The following SPATA9 variants were observed in gnomAD, a reference collection of about 807,000 sequenced individuals.
The protein encoded by SPATA9 is spermatogenesis-associated protein 9.
SPATA9 carries 27 observed loss-of-function variants against 25.5 expected under a neutral mutation model. The observed-to-expected ratio is 1.06, with a 90% confidence interval of 0.78 to 1.46. The LOEUF (loss-of-function observed/expected upper bound fraction) is 1.46, where lower values mean the gene tolerates loss of function less well. Ranked by LOEUF, SPATA9 falls within the 40% of genes most tolerant of loss-of-function variation. The probability of loss-of-function intolerance (pLI) is 0.00; values close to 1 mark genes in which losing one functional copy is unlikely to be tolerated. For synonymous variants in SPATA9, 102 were observed against 105.7 expected (o/e 0.97, Z 0.21); for missense variants, 282 against 297.5 (o/e 0.95, Z 0.38).
At chr5:95,682,251 T>TTGC (rs1753528773) in intron 2 of SPATA9, among the ~76,000 whole-genome samples, 1 of 152,200 alleles carries the variant, frequency 6.6e-6, no homozygotes, top group Admixed American at 6.5e-5. Context: ...TACATTGCAA[T>TTGC]TGTAGTGTTG....
At chr5:95,720,859 A>G in the SPATA9 span, among the ~76,000 whole-genome samples, 1 of 152,226 alleles carries the variant, frequency 6.6e-6, no homozygotes, top group Admixed American at 6.5e-5. Context: ...GTTCACCTAC[A>G]AAAAGAACTG....
chr5:95,658,881 T>C lies in SPATA9; in HGVS notation c.507A>G (p.Val169=). ...ATTCTTCTTCCTGGAAGATGTTCTT[T>C]ACCTTCTTCAGCACAGCATTAACAC... ...AVCVNAVLKK[V]KNIFQEEESI... is the part of the protein sequence containing the mutation. The change falls in exon 5 of 5, where the codon GTA becomes GTG. Residue 169 remains valine (V), a synonymous_variant. Transcript: ENST00000274432. The C allele has an allele frequency of 6.2e-7, 1 of 1,613,680 alleles. No individual in the cohort carries two copies.
At chr5:95,693,104 C>T (rs2112707903) in intron 1 of SPATA9, among the ~76,000 whole-genome samples, 1 of 152,282 alleles carries the variant, frequency 6.6e-6, no homozygotes, top group South Asian at 2.1e-4. Flanking sequence ...CAAGGGCTAG[C>T]AACAATGTAG....
chr5:95,727,521 G>A, the SPATA9 span, among the ~76,000 whole-genome samples: 2 of 152,138 alleles, frequency 1.3e-5, no homozygotes, highest in Non-Finnish European at 1.5e-5. Context: ...ATGAAATGGT[G>A]GCATTTCAGC....
intron 2 of SPATA9, among the ~76,000 whole-genome samples, chr5:95,676,599 T>C (rs913586944): frequency 1.3e-5 from 2 of 152,200 alleles, no homozygotes; most frequent in Non-Finnish European, 2.9e-5. Flanking sequence ...CTAAATTCTT[T>C]CTCTACCTTG....
At chr5:95,706,684 A>G in the SPATA9 span, among the ~76,000 whole-genome samples, 1 of 149,570 alleles carries the variant, frequency 6.7e-6, no homozygotes. Flanking sequence ...TTCATCATTT[A>G]AGTAAATTCT....
At chr5:95,731,196 C>A in the SPATA9 span, 1 of 1,003,936 alleles carries the variant, frequency 1.0e-6, no homozygotes, top group South Asian at 4.1e-5. Flanking sequence ...GCTCCCGGGG[C>A]CTCCGCGGGG....
the SPATA9 span, among the ~76,000 whole-genome samples, chr5:95,729,754 A>C: frequency 6.6e-6 from 1 of 152,294 alleles, no homozygotes; most frequent in South Asian, 2.1e-4. Flanking sequence ...GATACTTCAT[A>C]TAAATGGAAT....
At chr5:95,664,557 G>A (rs938547758) in intron 3 of SPATA9, among the ~76,000 whole-genome samples, 1 of 152,160 alleles carries the variant, frequency 6.6e-6, no homozygotes, top group Admixed American at 6.5e-5. Context: ...ATATGCAACA[G>A]GCTCTTATGA....
the SPATA9 span, among the ~76,000 whole-genome samples, chr5:95,711,700 G>C: frequency 2.6e-5 from 4 of 152,340 alleles, no homozygotes; most frequent in Admixed American, 6.5e-5. Flanking sequence ...GAGGGAGGCA[G>C]TACAGGGGGA....
downstream of SPATA9, chr5:95,652,809 C>G: frequency 2.9e-6 from 1 of 346,280 alleles, no homozygotes; most frequent in Non-Finnish European, 5.2e-6. Flanking sequence ...CAGCATCAAC[C>G]CCCTGCGGCA....
At chr5:95,714,797 A>T in the SPATA9 span, among the ~76,000 whole-genome samples, 2 of 152,314 alleles carry the variant, frequency 1.3e-5, no homozygotes, top group Non-Finnish European at 2.9e-5. Context: ...TAGATGATGA[A>T]ATAGGAAATG....
intron 1 of SPATA9, among the ~76,000 whole-genome samples, chr5:95,697,001 A>G (rs1754039723): frequency 6.6e-6 from 1 of 152,250 alleles, no homozygotes; most frequent in Non-Finnish European, 1.5e-5. Flanking sequence ...GCATAATTTT[A>G]TAACATCATG....
At chr5:95,662,599 A>G (rs532143424) in intron 4 of SPATA9, among the ~76,000 whole-genome samples, 3 of 152,326 alleles carry the variant, frequency 2.0e-5, no homozygotes, top group Non-Finnish European at 2.9e-5. Flanking sequence ...TATTAAAAGA[A>G]TGAAAAGGCA....
chr5:95,687,186 T>C (rs898229618), upstream of SPATA9, among the ~76,000 whole-genome samples: 6 of 152,214 alleles, frequency 3.9e-5, no homozygotes, highest in African/African-American at 7.2e-5. Flanking sequence ...AGACACCCCA[T>C]GGGAATTCCC....
chr5:95,680,279 G>T (rs756317305), intron 2 of SPATA9, among the ~76,000 whole-genome samples: 11 of 152,134 alleles, frequency 7.2e-5, no homozygotes. Flanking sequence ...ATTCAGAACA[G>T]AACATTATTT....
Position 95,663,905 on chromosome 5 carries a change from C to T in SPATA9, c.474+48G>A, listed in dbSNP as rs986384595. 27 of 1,111,508 alleles carry T rather than the reference C, an allele frequency of 2.4e-5. No homozygotes were observed. In the South Asian group the frequency reaches 4.3e-4, roughly 18 times the overall value. The allele number at this position is 1,111,508 out of a possible 1,614,324, so 68.9% of individuals were successfully genotyped here. A position where few individuals can be genotyped will look rare whatever the true frequency, so the allele number is the denominator to read the frequency against. ...ATTGCACAGTATTATTAACATTACA[C>T]AAAATAAGTAGATTTATTTCTAGAT... On this transcript the variant is annotated intron_variant, in intron 4 of 4. Transcript: ENST00000274432.
At chr5:95,713,822 T>C in the SPATA9 span, 1 of 152,038 alleles carries the variant, frequency 6.6e-6, no homozygotes, top group Non-Finnish European at 1.5e-5. Flanking sequence ...ATTTCTCCTC[T>C]TCTCAATCTT....
At chr5:95,652,414 T>C, downstream of SPATA9, 3 of 1,500,058 alleles carry the variant, frequency 2.0e-6, no homozygotes, top group Admixed American at 4.1e-5. Context: ...TATATCTGGT[T>C]GTTGACTTGA....
Sources: allele counts gnomAD v4.1 joint callset (sites outside exome capture counted in the v4.1 genomes callset), GRCh38; gene constraint gnomAD v4.1.1; transcripts MANE v1.5; gene names NCBI Gene and HGNC (gene_info 2026-07-23, HGNC 2026-07-21).